Variants in LDB2 observed in about 807,000 individuals in gnomAD.
LDB2 encodes the protein LIM domain-binding protein 2.
In LDB2, 12 loss-of-function variants were observed where a neutral mutation model predicts 44.3. That is an observed-to-expected ratio of 0.27 (90% confidence interval 0.17 to 0.44). The LOEUF (loss-of-function observed/expected upper bound fraction) is 0.44, where lower values mean the gene tolerates loss of function less well. LDB2 is among the 20% of genes least tolerant of loss of function. LDB2 has a pLI of 1.00. For missense variants in LDB2, 344 were observed against 473.5 expected (o/e 0.73, Z 2.54); for synonymous variants, 164 against 174.8 (o/e 0.94, Z 0.49).
At chr4:16,583,684 T>C (rs925608002) in intron 5 of LDB2, among the ~76,000 whole-genome samples, 8 of 152,238 alleles carry the variant, frequency 5.3e-5, no homozygotes, top group African/African-American at 1.9e-4. Context: ...GAAGCCCATG[T>C]TCACTGCTTT....
chr4:16,854,794 G>T lies in LDB2; in HGVS notation c.132+43560C>A, dbSNP rs1362140227. Among the ~76,000 whole-genome samples the T allele has an allele frequency of 4.6e-5, 7 of 151,642 alleles. No homozygotes were observed. The East Asian group carries it at 9.7e-4, about 21-fold the overall frequency. ...AAAGAGTGATATACGCTATATTAAT[G>T]AACAACACATTTTAAGCCTTTCTAT... On this transcript the variant is annotated intron_variant, in intron 1 of 7. Coordinates refer to ENST00000304523, the MANE Select transcript of LDB2 (RefSeq NM_001290.5).
intron 2 of LDB2, among the ~76,000 whole-genome samples, chr4:16,693,662 A>T (rs964714601): frequency 6.6e-6 from 1 of 152,158 alleles, no homozygotes; most frequent in Non-Finnish European, 1.5e-5. Context: ...TAGTTCTGTG[A>T]CAAACCTGAA....
At chr4:16,643,197 G>A (rs1735702832) in intron 2 of LDB2, among the ~76,000 whole-genome samples, 2 of 151,576 alleles carry the variant, frequency 1.3e-5, no homozygotes, top group South Asian at 4.2e-4. Context: ...ATGGGGTGGG[G>A]GGGGCACTTT....
chr4:16,763,008 G>GATGAATC (rs1314079420), intron 1 of LDB2, among the ~76,000 whole-genome samples: 8 of 151,850 alleles, frequency 5.3e-5, no homozygotes, highest in Non-Finnish European at 1.5e-5. Flanking sequence ...TGGAACATGG[G>GATGAATC]ATGAATCAAC....
intron 2 of LDB2, among the ~76,000 whole-genome samples, chr4:16,624,841 T>C (rs183745255): frequency 2.6e-5 from 4 of 152,238 alleles, no homozygotes; most frequent in Admixed American, 2.6e-4. Flanking sequence ...ATTTACTGTA[T>C]TTAAAGTAGT....
intron 2 of LDB2, among the ~76,000 whole-genome samples, chr4:16,680,589 A>G (rs1747579119): frequency 6.6e-6 from 1 of 152,218 alleles, no homozygotes; most frequent in Non-Finnish European, 1.5e-5. Context: ...AAAGATGAGA[A>G]TATTGAGGCT....
In LDB2 at chr4:16,743,151, A is replaced by T. The variant is rs561798862; in HGVS notation, c.235+16007T>A. ...ACTAAAATACAAAAATTAGCCAGGC[A>T]TGGTGATGCAAGCCTGTAATCCCAG... On this transcript the variant is annotated intron_variant, in intron 2 of 7. Transcript: ENST00000304523. Among the ~76,000 whole-genome samples the T allele has an allele frequency of 2.0e-5, 3 of 152,220 alleles. No individual in the cohort carries two copies. In the East Asian group the frequency reaches 5.8e-4, roughly 30 times the overall value.
chr4:16,535,837 A>C (rs1648813878), intron 5 of LDB2, among the ~76,000 whole-genome samples: 1 of 152,208 alleles, frequency 6.6e-6, no homozygotes, highest in African/African-American at 2.4e-5. Flanking sequence ...ATGTGTAGAA[A>C]GCTTAGATGC....
At chr4:16,870,721 C>T (rs756416080) in intron 1 of LDB2, among the ~76,000 whole-genome samples, 4 of 152,128 alleles carry the variant, frequency 2.6e-5, no homozygotes, top group Non-Finnish European at 5.9e-5. Context: ...ACAACCTCCA[C>T]CTCCCAGTTC....
intron 5 of LDB2, among the ~76,000 whole-genome samples, chr4:16,524,151 G>A (rs1440497551): frequency 1.3e-5 from 2 of 152,150 alleles, no homozygotes; most frequent in African/African-American, 2.4e-5. Context: ...TAGTAACCTG[G>A]GGCACATTAT....
At chr4:16,860,769 T>C (rs1314838255) in intron 1 of LDB2, among the ~76,000 whole-genome samples, 1 of 152,236 alleles carries the variant, frequency 6.6e-6, no homozygotes, top group Non-Finnish European at 1.5e-5. Context: ...TTGGCAGTGA[T>C]CCACATTTGT....
At chr4:16,588,616 T>C in intron 4 of LDB2, 94 bp downstream of exon 4, 1 of 1,313,244 alleles carries the variant, frequency 7.6e-7, no homozygotes, top group South Asian at 1.4e-5. Context: ...ACTACTGGAA[T>C]TCTTTCACAG....
chr4:16,622,376 A>G (rs1729127616), intron 2 of LDB2, among the ~76,000 whole-genome samples: 1 of 152,238 alleles, frequency 6.6e-6, no homozygotes, highest in Non-Finnish European at 1.5e-5. Flanking sequence ...CTTGCTTACA[A>G]AAAGAAAGCC....
At chr4:16,712,332 T>C (rs1756071708) in intron 2 of LDB2, among the ~76,000 whole-genome samples, 1 of 152,068 alleles carries the variant, frequency 6.6e-6, no homozygotes, top group Non-Finnish European at 1.5e-5. Context: ...GGCGGGTGGA[T>C]CACGAGGTCA....
intron 2 of LDB2, among the ~76,000 whole-genome samples, chr4:16,635,493 G>A (rs528900111): frequency 1.8e-4 from 28 of 152,184 alleles, no homozygotes; most frequent in East Asian, 5.8e-4. Context: ...GACTTTGGGC[G>A]TTTGCTTTAG....
intron 1 of LDB2, among the ~76,000 whole-genome samples, chr4:16,846,790 A>G (rs371690022): frequency 4.6e-5 from 7 of 152,230 alleles, no homozygotes; most frequent in South Asian, 2.1e-4. Flanking sequence ...GCCAAATCAC[A>G]TGGACAATGC....
At chr4:16,579,914 G>A (rs1713652912) in intron 5 of LDB2, among the ~76,000 whole-genome samples, 1 of 152,162 alleles carries the variant, frequency 6.6e-6, no homozygotes, top group South Asian at 2.1e-4. Context: ...TCTTATATGG[G>A]ACCTGCCAAG....
chr4:16,739,670 ACATATG>A lies in LDB2; in HGVS notation c.235+19482_235+19487del, dbSNP rs1235763857. On this transcript the variant is annotated intron_variant, in intron 2 of 7. Transcript: ENST00000304523. ...CATATGTGTGTATATATGTATATAT[ACATATG>A]TGTGTATATATGTATATATACATAT... Among the ~76,000 whole-genome samples, 330 of 78,806 alleles carry A rather than the reference ACATATG, an allele frequency of 4.2e-3. 51 individuals are homozygous for A. Among genetic ancestry groups the A allele is most frequent in the African/African-American group, 0.015 (289 of 18,916 alleles). 51.7% of individuals were successfully genotyped at this position (78,806 alleles called of 152,430 possible).
At chr4:16,805,064 G>C (rs1314758408) in intron 1 of LDB2, among the ~76,000 whole-genome samples, 1 of 151,720 alleles carries the variant, frequency 6.6e-6, no homozygotes, top group African/African-American at 2.4e-5. Context: ...AAAAGAGAGA[G>C]AGAGGAAGAG....
Sources: allele counts gnomAD v4.1 joint callset (sites outside exome capture counted in the v4.1 genomes callset), GRCh38; gene constraint gnomAD v4.1.1; transcripts MANE v1.5; gene names NCBI Gene and HGNC (gene_info 2026-07-23, HGNC 2026-07-21).